The following PTBP3 variants were observed in gnomAD, a reference collection of about 807,000 sequenced individuals.
The protein encoded by PTBP3 is polypyrimidine tract-binding protein 3.
Under a neutral mutation model 58.7 loss-of-function variants are expected in PTBP3, and 20 were observed. The ratio of observed to expected loss-of-function variants is 0.34; its 90% CI spans 0.24 to 0.50. The LOEUF (loss-of-function observed/expected upper bound fraction) is 0.50, where lower values mean the gene tolerates loss of function less well. PTBP3 is among the 20% of genes least tolerant of loss of function. The pLI is 0.98. For synonymous variants in PTBP3, 185 were observed against 219.8 expected (o/e 0.84, Z 1.40); for missense variants, 509 against 637.2 (o/e 0.80, Z 2.17).
intron 6 of PTBP3, 25 bp from the exon 7 acceptor site, chr9:112,251,128 G>A (rs1457400907): frequency 6.6e-7 from 1 of 1,505,180 alleles, no homozygotes; most frequent in Non-Finnish European, 8.9e-7. Context: ...AAAGGGACTG[G>A]TTTTGGCAAG....
chr9:112,310,313 T>C (rs1564454041), intron 1 of PTBP3, among the ~76,000 whole-genome samples: 1 of 152,208 alleles, frequency 6.6e-6, no homozygotes, highest in African/African-American at 2.4e-5. Flanking sequence ...CAACAAAATA[T>C]CAACACTTTT....
intron 3 of PTBP3, among the ~76,000 whole-genome samples, chr9:112,268,910 C>G (rs1589845314): frequency 6.6e-6 from 1 of 151,838 alleles, no homozygotes; most frequent in South Asian, 2.1e-4. Context: ...AACAGTGAGG[C>G]TAAGGCTGGG....
the PTBP3 span, among the ~76,000 whole-genome samples, chr9:112,355,379 T>G: frequency 6.6e-6 from 1 of 152,228 alleles, no homozygotes. Flanking sequence ...TGTGATAATT[T>G]TATCTTCAGA....
chr9:112,328,525 T>C (rs1830243019), intron 1 of PTBP3, among the ~76,000 whole-genome samples: 1 of 152,246 alleles, frequency 6.6e-6, no homozygotes, highest in Non-Finnish European at 1.5e-5. Flanking sequence ...CATTTAAATC[T>C]TCTTTCACTT....
the PTBP3 span, among the ~76,000 whole-genome samples, chr9:112,353,942 A>G: frequency 1.3e-5 from 2 of 152,090 alleles, no homozygotes; most frequent in Non-Finnish European, 2.9e-5. Flanking sequence ...TGGGTGACAG[A>G]ACAAGACTCT....
At chr9:112,306,410 T>G (rs1328534646) in intron 1 of PTBP3, among the ~76,000 whole-genome samples, 2 of 149,828 alleles carry the variant, frequency 1.3e-5, no homozygotes, top group African/African-American at 4.9e-5. Flanking sequence ...TTTGCCCGCT[T>G]CGACCTTCCA....
the PTBP3 span, among the ~76,000 whole-genome samples, chr9:112,339,290 C>CAAAAAAAAAAAA: frequency 1.4e-5 from 1 of 71,712 alleles, no homozygotes; most frequent in Non-Finnish European, 2.6e-5. Flanking sequence ...GACTCTGTCT[C>CAAAAAAAAAAAA]AAAAAAAAAA....
chr9:112,298,452 TAAGAG>T, intron 1 of PTBP3: 1 of 408,462 alleles, frequency 2.4e-6, no homozygotes, highest in African/African-American at 2.1e-5. Context: ...TTTTTTCAGG[TAAGAG>T]TTTTGATCAA....
At chr9:112,238,723 C>T (rs1175413681) in intron 7 of PTBP3, among the ~76,000 whole-genome samples, 1 of 151,928 alleles carries the variant, frequency 6.6e-6, no homozygotes, top group Non-Finnish European at 1.5e-5. Context: ...TTTCTAAGAG[C>T]AACAATGGAC....
the PTBP3 span, among the ~76,000 whole-genome samples, chr9:112,366,629 G>T: frequency 6.6e-6 from 1 of 152,206 alleles, no homozygotes; most frequent in Non-Finnish European, 1.5e-5. Context: ...TTCCAAAGAT[G>T]CGTAGAAATG....
the PTBP3 span, among the ~76,000 whole-genome samples, chr9:112,350,918 C>T: frequency 2.0e-5 from 3 of 152,124 alleles, no homozygotes; most frequent in African/African-American, 7.2e-5. Context: ...CCTGCCCCAG[C>T]CTCCCGAGTA....
chr9:112,261,511 ACT>A (rs1466768740), intron 5 of PTBP3, among the ~76,000 whole-genome samples: 1 of 152,150 alleles, frequency 6.6e-6, no homozygotes, highest in African/African-American at 2.4e-5. Context: ...CACCTCTATG[ACT>A]CTGCACATAC....
At chr9:112,289,709 G>A (rs1030226197) in intron 2 of PTBP3, among the ~76,000 whole-genome samples, 2 of 152,296 alleles carry the variant, frequency 1.3e-5, no homozygotes, top group East Asian at 3.9e-4. Flanking sequence ...TTGAGCCTGG[G>A]AGGTCGAGGC....
the PTBP3 span, among the ~76,000 whole-genome samples, chr9:112,338,742 TGTAA>T: frequency 2.0e-5 from 3 of 152,242 alleles, no homozygotes; most frequent in Non-Finnish European, 2.9e-5. Context: ...AGAGGCGGCA[TGTAA>T]GTGTCTCCTA....
Position 112,223,769 on chromosome 9 carries a change from T to C in PTBP3, c.*82A>G, listed in dbSNP as rs1002865967. On this transcript the variant is annotated 3_prime_UTR_variant, in exon 14 of 14. Transcript: ENST00000374257. ...AGTTATTTTTGTGAAAGAGGCAAAA[T>C]TGGTCTTGAGCTGCTTCAGTCTATG... 30 of 1,558,864 alleles carry C rather than the reference T, an allele frequency of 1.9e-5. No homozygotes were observed. In the Admixed American group the frequency reaches 4.6e-4, roughly 24 times the overall value.
intron 7 of PTBP3, among the ~76,000 whole-genome samples, chr9:112,235,594 G>A (rs886454265): frequency 6.6e-6 from 1 of 152,090 alleles, no homozygotes; most frequent in Non-Finnish European, 1.5e-5. Flanking sequence ...TGGTTTGGGG[G>A]AACATCAAAT....
In PTBP3 at chr9:112,222,470, G is replaced by C. The variant is rs1834839653; in HGVS notation, c.*1381C>G. On this transcript the variant is annotated 3_prime_UTR_variant, in exon 14 of 14. Transcript: ENST00000374257. ...AGTAATCCTGAGACAAATTCTGATGGGTGAAAAAGATGAAACTGAGATTGC... is the reference window on the plus strand; with the variant it reads ...AGTAATCCTGAGACAAATTCTGATGCGTGAAAAAGATGAAACTGAGATTGC... 2 of 985,272 alleles carry C rather than the reference G, an allele frequency of 2.0e-6. No individual in the cohort carries two copies. The highest frequency in any genetic ancestry group is 2.4e-6 in the Non-Finnish European group (2 of 829,858). 61.0% of individuals were successfully genotyped at this position (985,272 alleles called of 1,614,324 possible). A position where few individuals can be genotyped will look rare whatever the true frequency, so the allele number is the denominator to read the frequency against.
intron 4 of PTBP3, among the ~76,000 whole-genome samples, chr9:112,265,417 C>T (rs937207978): frequency 8.1e-6 from 1 of 122,926 alleles, no homozygotes; most frequent in Admixed American, 1.0e-4. Context: ...ACAGGAGAAT[C>T]GCTTGAACCC....
At chr9:112,292,705 T>C (rs191256025) in intron 2 of PTBP3, among the ~76,000 whole-genome samples, 68 of 152,304 alleles carry the variant, frequency 4.5e-4, no homozygotes, top group African/African-American at 1.3e-3. Flanking sequence ...ATTCCACTTA[T>C]ATGAGGTATC....
Sources: gnomAD v4.1 joint callset for allele counts (sites outside exome capture counted in the v4.1 genomes callset) on GRCh38, gnomAD v4.1.1 for gene constraint, MANE v1.5 for transcripts, NCBI Gene and HGNC (gene_info 2026-07-23, HGNC 2026-07-21) for gene names.